Variants in GPR20 observed in about 807,000 individuals in gnomAD.
GPR20 encodes G protein-coupled receptor 20, also known as CTD-3064M3.3.
For synonymous variants in GPR20, 241 were observed against 241.9 expected, an observed-to-expected ratio of 1.00 and a Z score of 0.04; for missense variants, 494 against 527.4, an observed-to-expected ratio of 0.94 and a Z score of 0.62.
intron 1 of GPR20, among the ~76,000 whole-genome samples, chr8:141,366,287 T>C (rs1051671263): frequency 6.6e-6 from 1 of 152,050 alleles, no homozygotes; most frequent in Non-Finnish European, 1.5e-5. Context: ...GGATGAGTCC[T>C]GGGGGGAGAG....
intron 1 of GPR20, among the ~76,000 whole-genome samples, chr8:141,359,536 A>G (rs938022904): frequency 6.6e-6 from 1 of 152,078 alleles, no homozygotes; most frequent in Non-Finnish European, 1.5e-5. Context: ...CCCCCACCAC[A>G]CAAGGGCCCA....
intron 1 of GPR20, among the ~76,000 whole-genome samples, chr8:141,366,541 A>G (rs761274937): frequency 6.6e-6 from 1 of 152,224 alleles, no homozygotes; most frequent in African/African-American, 2.4e-5. Flanking sequence ...TTCTAGGTCC[A>G]CACTGAGGGC....
Position 141,357,449 on chromosome 8 carries a change from G to A in GPR20, c.475C>T (p.Arg159Cys), listed in dbSNP as rs765239165. ...YLAIVRPEGS[R>C]RCRQPACARA... ...GCACAGGCAGGCTGGCGGCAGCGGC[G>A]GGAGCCTTCGGGCCGCACGATGGCC... The change falls in exon 2 of 2, where the codon CGC becomes TGC. Residue 159 changes from arginine (R) to cysteine (C), a missense_variant. Coordinates refer to ENST00000377741, the MANE Select transcript of GPR20 (RefSeq NM_005293.3). The A allele has an allele frequency of 1.4e-5, 23 of 1,605,364 alleles. No individual in the cohort carries two copies. Among genetic ancestry groups the A allele is most frequent in the Non-Finnish European group, 1.9e-5 (22 of 1,177,194 alleles).
intron 1 of GPR20, among the ~76,000 whole-genome samples, chr8:141,362,340 G>T (rs138371889): frequency 6.6e-6 from 1 of 152,052 alleles, no homozygotes; most frequent in Non-Finnish European, 1.5e-5. Flanking sequence ...TTCATCCCAC[G>T]GCGCTGCTAT....
intron 1 of GPR20, among the ~76,000 whole-genome samples, chr8:141,365,877 G>A (rs1300419125): frequency 2.0e-5 from 3 of 152,180 alleles, no homozygotes; most frequent in Non-Finnish European, 4.4e-5. Flanking sequence ...CCTTCGCAGT[G>A]CCCTGCCACG....
At chr8:141,358,921 G>C (rs1222611338) in intron 1 of GPR20, among the ~76,000 whole-genome samples, 2 of 127,278 alleles carry the variant, frequency 1.6e-5, no homozygotes, top group Non-Finnish European at 3.6e-5. Flanking sequence ...GGTGGGGGGC[G>C]GGCGAGGGGC....
At position 141,356,965 on chromosome 8, in the gene GPR20, G is replaced by A. The variant is rs1436953186; in HGVS notation, c.959C>T (p.Pro320Leu). The change falls in exon 2 of 2, where the codon CCC becomes CTC. Residue 320 changes from proline (P) to leucine (L), a missense_variant. Transcript: ENST00000377741. ...CATGCTGACCACGTCACCGCTGCTG[G>A]GCTCACGCTCTCCGTGCTGGCCGAA... ...GLFGQHGEREPSSGDVVSMHR... is the reference protein window; with the variant it reads ...GLFGQHGERELSSGDVVSMHR... 1.2e-6 allele frequency: 2 copies of A among 1,613,100 alleles called. No homozygotes were observed. The highest frequency in any genetic ancestry group is 2.2e-5 in the South Asian group (2 of 91,084).
rs762004905 is a variant in GPR20 at position 141,356,941 on chromosome 8, A to C, written c.983T>G (p.Met328Arg). ...GCCTGAGCCCTTGGAGCTCCTGTGC[A>C]TGCTGACCACGTCACCGCTGCTGGG... ...REPSSGDVVS[M>R]HRSSKGSGRH... The change falls in exon 2 of 2, where the codon ATG becomes AGG. Residue 328 changes from methionine (M) to arginine (R), a missense_variant. Coordinates refer to ENST00000377741, the MANE Select transcript of GPR20 (RefSeq NM_005293.3). 1 of 1,612,840 alleles carries C rather than the reference A, an allele frequency of 6.2e-7. No homozygotes were observed. Among genetic ancestry groups the C allele is most frequent in the African/African-American group, 1.3e-5 (1 of 74,954 alleles).
Position 141,357,042 on chromosome 8 carries a change from G to A in GPR20, c.882C>T (p.Pro294=), listed in dbSNP as rs1260366630. ...TLSSLNSCMD[P]IVYCFVTSGF... is the part of the protein sequence containing the mutation. ...CACTGGTGACGAAGCAGTAGACGAT[G>A]GGGTCCATGCAGCTGTTGAGGCTGC... Residue 294 remains proline, a synonymous_variant, in exon 2 of 2, where the codon CCC becomes CCT. Coordinates refer to ENST00000377741, the MANE Select transcript of GPR20 (RefSeq NM_005293.3). 2 of 1,612,818 alleles carry A rather than the reference G, an allele frequency of 1.2e-6. No individual in the cohort carries two copies. The highest frequency in any genetic ancestry group is 1.7e-5 in the Admixed American group (1 of 59,996).
At position 141,356,888 on chromosome 8, in the gene GPR20, G is replaced by A; in HGVS notation, c.1036C>T (p.His346Tyr). The A allele has an allele frequency of 1.2e-6, 2 of 1,608,942 alleles. No individual in the cohort carries two copies. The highest frequency in any genetic ancestry group is 2.2e-5 in the South Asian group (2 of 90,912). ...TTAGCCAGGGCCTGGGTGAGGGCGTGAGGGCCGGCACTGAGGATGTGATGA... is the reference window on the plus strand; with the variant it reads ...TTAGCCAGGGCCTGGGTGAGGGCGTAAGGGCCGGCACTGAGGATGTGATGA... ...GRHHILSAGP[H>Y]ALTQALANGP... is the part of the protein sequence containing the mutation. Residue 346 changes from histidine (H) to tyrosine (Y), a missense_variant, in exon 2 of 2, where the codon CAC (histidine) becomes TAC (tyrosine). Physicochemically the swap from His to Tyr is moderately conservative, Grantham distance 83. Coordinates refer to ENST00000377741, the MANE Select transcript of GPR20 (RefSeq NM_005293.3).
intron 1 of GPR20, among the ~76,000 whole-genome samples, chr8:141,363,983 C>T (rs2154616641): frequency 6.6e-6 from 1 of 152,378 alleles, no homozygotes; most frequent in Admixed American, 6.5e-5. Context: ...CGCTTTGCAT[C>T]CACACAGCAA....
At chr8:141,359,030 AC>A (rs1164005896) in intron 1 of GPR20, among the ~76,000 whole-genome samples, 3 of 152,040 alleles carry the variant, frequency 2.0e-5, no homozygotes, top group African/African-American at 7.3e-5. Flanking sequence ...TAACGGCCCT[AC>A]CCCCACCCTA....
In GPR20 at chr8:141,356,868, CA is replaced by C. The variant is rs1365850367; in HGVS notation, c.1055del (p.Leu352ArgfsTer61). 1 of 1,601,174 alleles carries C rather than the reference CA, an allele frequency of 6.2e-7. No individual in the cohort carries two copies. Among genetic ancestry groups the C allele is most frequent in the Non-Finnish European group, 8.5e-7 (1 of 1,171,856 alleles). ...SAGPHALTQA[L>X]ANGPEA is the part of the protein sequence containing the mutation. ...CTGACTAAGCCTCGGGCCCATTAGCCAGGGCCTGGGTGAGGGCGTGAGGGCC... is the reference window on the plus strand; with the variant it reads ...CTGACTAAGCCTCGGGCCCATTAGCCGGGCCTGGGTGAGGGCGTGAGGGCC... On this transcript the variant is annotated frameshift_variant, in exon 2 of 2. Transcript: ENST00000377741. LOFTEE classifies it high-confidence loss of function.
intron 1 of GPR20, among the ~76,000 whole-genome samples, chr8:141,359,711 G>A (rs905468610): frequency 2.0e-5 from 3 of 152,218 alleles, no homozygotes; most frequent in Admixed American, 6.5e-5. Flanking sequence ...GCCAGGGGAG[G>A]AGAGGAGGCT....
rs533635492 is a variant in GPR20, at chr8:141,357,805, C to A, written c.119G>T (p.Arg40Leu). Residue 40 changes from arginine to leucine, a missense_variant, in exon 2 of 2, where the codon CGG becomes CTG. Coordinates refer to ENST00000377741, the MANE Select transcript of GPR20 (RefSeq NM_005293.3). Reference protein sequence around the residue: ...LEVPLFHLFARLDEELHGTFP... With the variant: ...LEVPLFHLFALLDEELHGTFP... ...GGTGCCATGCAGCTCCTCGTCCAGC[C>A]GGGCAAACAGGTGGAACAGGGGCAC... 1.5e-5 allele frequency: 24 copies of A among 1,613,262 alleles called. No individual in the cohort carries two copies. Among genetic ancestry groups the A allele is most frequent in the Non-Finnish European group, 1.9e-5 (22 of 1,179,926 alleles).
intron 1 of GPR20, among the ~76,000 whole-genome samples, chr8:141,360,471 C>T (rs1225817796): frequency 6.6e-6 from 1 of 152,268 alleles, no homozygotes; most frequent in Non-Finnish European, 1.5e-5. Context: ...GCCCTCCTCT[C>T]CCAGCTTCGT....
At chr8:141,366,735 G>A (rs545587922) in intron 1 of GPR20, among the ~76,000 whole-genome samples, 93 of 152,346 alleles carry the variant, frequency 6.1e-4, no homozygotes, top group African/African-American at 2.1e-3. Flanking sequence ...GCGGGGTGGT[G>A]GTGGCTGAGG....
At chr8:141,359,200 C>T (rs1271252596) in intron 1 of GPR20, among the ~76,000 whole-genome samples, 1 of 152,136 alleles carries the variant, frequency 6.6e-6, no homozygotes, top group Non-Finnish European at 1.5e-5. Flanking sequence ...CCCTTCCCCT[C>T]CTGGTGGCCC....
In GPR20 at chr8:141,357,685, C is replaced by T. The variant is rs1831671677; in HGVS notation, c.239G>A (p.Cys80Tyr). ...TGAGGGTGTCTTGGCCCGGGTGCGGCAGCAGAAGACGTACAGCGCCAGCCC... is the reference window on the plus strand; with the variant it reads ...TGAGGGTGTCTTGGCCCGGGTGCGGTAGCAGAAGACGTACAGCGCCAGCCC... Reference protein sequence around the residue: ...LNGLALYVFCCRTRAKTPSVI... With the variant: ...LNGLALYVFCYRTRAKTPSVI... The change falls in exon 2 of 2, where the codon TGC becomes TAC. Residue 80 changes from cysteine (C) to tyrosine (Y), a missense_variant. Transcript: ENST00000377741. 1 of 1,613,662 alleles carries T rather than the reference C, an allele frequency of 6.2e-7. No individual in the cohort carries two copies. The highest frequency in any genetic ancestry group is 8.5e-7 in the Non-Finnish European group (1 of 1,180,000).
Sources: allele counts gnomAD v4.1 joint callset (sites outside exome capture counted in the v4.1 genomes callset), GRCh38; gene constraint gnomAD v4.1.1; transcripts MANE v1.5; gene names NCBI Gene and HGNC (gene_info 2026-07-23, HGNC 2026-07-21).